Variants in FBXL17 observed in about 807,000 individuals in gnomAD.
FBXL17 encodes the protein F-box and leucine rich repeat protein 17.
FBXL17 carries 22 observed loss-of-function variants against 66.2 expected under a neutral mutation model. The observed-to-expected ratio is 0.33, with a 90% CI of 0.24 to 0.47. The LOEUF is 0.47. Among genes scored for constraint, FBXL17 ranks in the 20% least tolerant of loss-of-function variants. The probability of loss-of-function intolerance (pLI) is 1.00; values close to 1 mark genes in which losing one functional copy is unlikely to be tolerated. For missense variants in FBXL17, 878 were observed against 948.2 expected, an observed-to-expected ratio of 0.93 and a Z score of 0.97; for synonymous variants, 474 against 400.5, an observed-to-expected ratio of 1.18 and a Z score of -2.19.
intron 4 of FBXL17, among the ~76,000 whole-genome samples, chr5:108,225,239 T>C (rs551112403): frequency 1.3e-3 from 196 of 152,320 alleles, no homozygotes; most frequent in African/African-American, 4.2e-3. Context: ...GTAATATGTG[T>C]TGGAATTTCC....
At chr5:107,908,880 C>A (rs1212853477) in intron 7 of FBXL17, among the ~76,000 whole-genome samples, 2 of 152,060 alleles carry the variant, frequency 1.3e-5, no homozygotes, top group African/African-American at 2.4e-5. Context: ...ATTAATGGCC[C>A]CCAAAGCCTC....
intron 6 of FBXL17, among the ~76,000 whole-genome samples, chr5:108,043,134 A>C (rs1747116887): frequency 6.6e-6 from 1 of 152,196 alleles, no homozygotes; most frequent in Admixed American, 6.5e-5. Context: ...CATTTGTCAG[A>C]TACATGGTTT....
intron 7 of FBXL17, among the ~76,000 whole-genome samples, chr5:107,998,480 A>G (rs80284556): frequency 6.6e-6 from 1 of 152,124 alleles, no homozygotes; most frequent in African/African-American, 2.4e-5. Context: ...TTACAGTGCT[A>G]CCTGAAATAT....
At chr5:107,884,572 T>C (rs1313104329) in intron 7 of FBXL17, among the ~76,000 whole-genome samples, 17 of 152,232 alleles carry the variant, frequency 1.1e-4, no homozygotes, top group Admixed American at 1.1e-3. Flanking sequence ...TTCCAAAATA[T>C]ACAGCACGTA....
intron 4 of FBXL17, among the ~76,000 whole-genome samples, chr5:108,274,291 G>A (rs1473060943): frequency 6.6e-6 from 1 of 152,144 alleles, no homozygotes; most frequent in Non-Finnish European, 1.5e-5. Flanking sequence ...GCCCGGGGGG[G>A]CCAGTTTAGA....
At chr5:107,959,271 A>G (rs1042991541) in intron 7 of FBXL17, among the ~76,000 whole-genome samples, 4 of 152,094 alleles carry the variant, frequency 2.6e-5, no homozygotes, top group African/African-American at 7.2e-5. Context: ...ACAGAGGGGT[A>G]GTCAAGAATA....
At chr5:108,071,640 C>G in intron 6 of FBXL17, among the ~76,000 whole-genome samples, 1 of 152,044 alleles carries the variant, frequency 6.6e-6, no homozygotes, top group East Asian at 1.9e-4. Flanking sequence ...CTCTCTTAGT[C>G]TCTTTCTCTG....
intron 3 of FBXL17, among the ~76,000 whole-genome samples, chr5:108,362,076 T>C (rs937575627): frequency 1.3e-5 from 2 of 152,196 alleles, no homozygotes; most frequent in African/African-American, 4.8e-5. Flanking sequence ...TTGGATCTGA[T>C]AGTTTAGGCT....
rs187441332 is a variant in FBXL17, at chr5:107,896,659, C to T, written c.1823-15480G>A. Among the ~76,000 whole-genome samples the T allele has an allele frequency of 8.5e-5, 13 of 152,248 alleles. No individual in the cohort carries two copies. In the East Asian group the frequency reaches 1.9e-3, roughly 23 times the overall value. Reference sequence around the variant, plus strand: ...CATGCCACTAGTGTTGCTGAAAATGCTCCCAAGAAGCAGAGAAAAGCCATG... The same window carrying T: ...CATGCCACTAGTGTTGCTGAAAATGTTCCCAAGAAGCAGAGAAAAGCCATG... On this transcript the variant is annotated intron_variant, in intron 7 of 8. Transcript: ENST00000542267.
intron 5 of FBXL17, among the ~76,000 whole-genome samples, chr5:108,215,481 G>C (rs915729749): frequency 2.0e-5 from 3 of 152,162 alleles, no homozygotes; most frequent in Non-Finnish European, 4.4e-5. Context: ...ATAATGTTGA[G>C]CAGCTTTTCA....
intron 6 of FBXL17, among the ~76,000 whole-genome samples, chr5:108,064,892 AG>A (rs752922298): frequency 1.3e-5 from 2 of 152,134 alleles, no homozygotes; most frequent in African/African-American, 4.8e-5. Context: ...CTTCCAGCAG[AG>A]GATCTCATCT....
chr5:108,155,281 T>C (rs1476138465), intron 6 of FBXL17, among the ~76,000 whole-genome samples: 3 of 151,778 alleles, frequency 2.0e-5, no homozygotes, highest in Admixed American at 6.6e-5. Flanking sequence ...CTTTGGGAGG[T>C]TGAGGTGGGC....
chr5:108,074,317 T>C, intron 6 of FBXL17, among the ~76,000 whole-genome samples: 1 of 152,160 alleles, frequency 6.6e-6, no homozygotes, highest in African/African-American at 2.4e-5. Flanking sequence ...AAGATTTTTT[T>C]TTTTTTTTTT....
chr5:108,035,645 G>C (rs557097120), intron 6 of FBXL17, among the ~76,000 whole-genome samples: 1 of 152,216 alleles, frequency 6.6e-6, no homozygotes, highest in Non-Finnish European at 1.5e-5. Context: ...AGGATTACAG[G>C]CGTGAGCCAC....
At chr5:108,022,691 T>A (rs1455353410) in intron 6 of FBXL17, among the ~76,000 whole-genome samples, 1 of 152,136 alleles carries the variant, frequency 6.6e-6, no homozygotes, top group African/African-American at 2.4e-5. Context: ...ATATCCTATT[T>A]ATCTTCCTTG....
chr5:108,209,404 G>A (rs1754268543), intron 5 of FBXL17, among the ~76,000 whole-genome samples: 1 of 152,136 alleles, frequency 6.6e-6, no homozygotes, highest in Admixed American at 6.5e-5. Flanking sequence ...CAAAGGGAAT[G>A]CTTCCACTTT....
rs558965219 is a variant in FBXL17, at chr5:108,186,028, TTTAG to T, written c.1745+85_1745+88del. On this transcript the variant is annotated intron_variant, in intron 6 of 8. Coordinates refer to ENST00000542267, the MANE Select transcript of FBXL17 (RefSeq NM_001163315.3). ...TTGAAAAGGCACAGCTGTATTCAATTTTAGTTATAGACATGCCTTGTTATAATAA... is the reference window on the plus strand; with the variant it reads ...TTGAAAAGGCACAGCTGTATTCAATTTTATAGACATGCCTTGTTATAATAA... 433 of 1,047,390 alleles carry T rather than the reference TTTAG, an allele frequency of 4.1e-4. 5 individuals carry two copies. The South Asian group carries it at 6.6e-3, about 16-fold the overall frequency. 64.9% of individuals were successfully genotyped at this position (1,047,390 alleles called of 1,614,324 possible).
In FBXL17 at chr5:108,380,727, T is replaced by C; in HGVS notation, c.965A>G (p.Asn322Ser). 2 of 1,249,838 alleles carry C rather than the reference T, an allele frequency of 1.6e-6. No individual in the cohort carries two copies. The highest frequency in any genetic ancestry group is 2.0e-6 in the Non-Finnish European group (2 of 989,524). 77.4% of individuals were successfully genotyped at this position (1,249,838 alleles called of 1,614,324 possible). Reference protein sequence around the residue: ...REPPPETPDINQLPPSILLKI... With the variant: ...REPPPETPDISQLPPSILLKI... ...GAGCAGGATGGACGGCGGCAGCTGG[T>C]TGATGTCTGGGGTTTCGGGGGGCGG... Residue 322 changes from asparagine (N) to serine (S), a missense_variant, in exon 1 of 9, where the codon AAC becomes AGC. This residue lies in a region of FBXL17 where 605 missense variants were observed against 509.5 expected (regional missense o/e 1.19). Coordinates refer to ENST00000542267, the MANE Select transcript of FBXL17 (RefSeq NM_001163315.3).
At chr5:108,042,819 C>A (rs941077911) in intron 6 of FBXL17, among the ~76,000 whole-genome samples, 1 of 152,086 alleles carries the variant, frequency 6.6e-6, no homozygotes, top group Non-Finnish European at 1.5e-5. Flanking sequence ...AAGAAAGTGC[C>A]TATTTTCCAG....
Sources: allele counts gnomAD v4.1 joint callset (sites outside exome capture counted in the v4.1 genomes callset), GRCh38; gene constraint gnomAD v4.1.1; regional missense constraint gnomAD v4.1.1; transcripts MANE v1.5; gene names NCBI Gene and HGNC (gene_info 2026-07-23, HGNC 2026-07-21).